PTDSS2: variants seen among roughly 807,000 people sequenced by gnomAD.
PTDSS2 encodes the protein PSS-2.
Under a neutral mutation model 64.7 loss-of-function variants are expected in PTDSS2, and 41 were observed. The ratio of observed to expected loss-of-function variants is 0.63; its 90% confidence interval spans 0.49 to 0.82. The LOEUF is 0.82. Ranked by LOEUF, PTDSS2 falls within the 40% of genes least tolerant of loss-of-function variation. The pLI, the probability that PTDSS2 is intolerant of heterozygous loss-of-function variation, is 0.00. For synonymous variants in PTDSS2, 297 were observed against 277.8 expected, an observed-to-expected ratio of 1.07 and a Z score of -0.69; for missense variants, 485 against 650.0, an observed-to-expected ratio of 0.75 and a Z score of 2.76.
chr11:490,280 G>C, intron 11 of PTDSS2, 140 bp from the exon 12 acceptor site: 1 of 1,280,926 alleles, frequency 7.8e-7, no homozygotes, highest in Non-Finnish European at 1.1e-6. Flanking sequence ...AGTCTGCCAC[G>C]GCTGCCGTCC....
At chr11:482,152 T>C (rs1343533929) in intron 4 of PTDSS2, among the ~76,000 whole-genome samples, 1 of 151,254 alleles carries the variant, frequency 6.6e-6, no homozygotes, top group African/African-American at 2.4e-5. Context: ...GGCCGATGTC[T>C]TTTACTTCTT....
chr11:488,064 C>T (rs1468702333), intron 6 of PTDSS2, 135 bp from the exon 7 acceptor site: 2 of 621,282 alleles, frequency 3.2e-6, no homozygotes, highest in Admixed American at 2.6e-5. Context: ...GGGGGCTGCA[C>T]GCACCCGTGG....
intron 8 of PTDSS2, among the ~76,000 whole-genome samples, chr11:489,127 G>C (rs1257467675): frequency 1.3e-5 from 2 of 152,264 alleles, no homozygotes; most frequent in Non-Finnish European, 2.9e-5. Flanking sequence ...TGCAGCCACT[G>C]CTCAAGCTGG....
rs1292781332 is a variant in PTDSS2 at position 470,815 on chromosome 11, C to T, written c.285-3080C>T. 6.6e-6 allele frequency among the ~76,000 whole-genome samples: 1 copy of T among 152,074 alleles called. No individual in the cohort carries two copies. The highest frequency in any genetic ancestry group is 1.5e-5 in the Non-Finnish European group (1 of 68,030). On this transcript the variant is annotated intron_variant, in intron 2 of 11. Coordinates refer to ENST00000308020, the MANE Select transcript of PTDSS2 (RefSeq NM_030783.3). The surrounding 1 kb of genome is among the most constrained non-coding windows in gnomAD (Gnocchi z 5.3). ...ATGTTGGTCAGGCTGGTCTCGAACT[C>T]CTGACCTTGTGATCCGCCTGCCTCA...
intron 1 of PTDSS2, among the ~76,000 whole-genome samples, chr11:458,012 C>T (rs1015100143): frequency 2.0e-5 from 3 of 152,110 alleles, no homozygotes; most frequent in African/African-American, 4.8e-5. Context: ...GCCGTTCCAG[C>T]GGATGTGTAC....
chr11:486,056 CGT>C (rs1351034695), intron 4 of PTDSS2, among the ~76,000 whole-genome samples: 1 of 152,020 alleles, frequency 6.6e-6, no homozygotes, highest in Non-Finnish European at 1.5e-5. Flanking sequence ...AGTGCACGGG[CGT>C]GTGTGTTCAC....
In PTDSS2 at chr11:479,021, G is replaced by T. The variant is rs1375578977; in HGVS notation, c.368-64G>T. On this transcript the variant is annotated intron_variant, in intron 3 of 11. Transcript: ENST00000308020. The surrounding 1 kb of genome is among the most constrained non-coding windows in gnomAD (Gnocchi z 4.2). ...TGTGAAGGAGCCAGGAGCCGGCCTG[G>T]GGCTGAGCGGGGCCGTGGAGGCCTG... is the stretch of plus-strand genomic sequence containing the variant. The T allele has an allele frequency of 7.1e-7, 1 of 1,401,050 alleles. No individual in the cohort carries two copies. The allele number at this position is 1,401,050 out of a possible 1,614,324, so 86.8% of individuals were successfully genotyped here. A position where few individuals can be genotyped will look rare whatever the true frequency, so the allele number is the denominator to read the frequency against.
intron 3 of PTDSS2, among the ~76,000 whole-genome samples, 180 bp downstream of exon 3, chr11:474,157 C>G (rs1311352199): frequency 6.6e-6 from 1 of 152,192 alleles, no homozygotes; most frequent in Non-Finnish European, 1.5e-5. Context: ...GCCGTGTGCT[C>G]CTCCTCCAAC....
In PTDSS2 at chr11:462,270, C is replaced by T. The variant is rs923519796; in HGVS notation, c.284+1982C>T. On this transcript the variant is annotated intron_variant, in intron 2 of 11. Transcript: ENST00000308020. This position sits in a 1 kb window ranked among gnomAD's most constrained non-coding sequence, Gnocchi z 4.5. The stretch of plus-strand genomic sequence containing the variant: ...CCTGAGGGGGCAGCAGTGGTGGGCA[C>T]GTCCCCCACTTCACCCAGCACTGGC... Among the ~76,000 whole-genome samples, 7 of 152,180 alleles carry T rather than the reference C, an allele frequency of 4.6e-5. No individual in the cohort carries two copies. The highest frequency in any genetic ancestry group is 1.3e-4 in the Admixed American group (2 of 15,298).
At chr11:454,507 C>CT (rs1213243902) in intron 1 of PTDSS2, among the ~76,000 whole-genome samples, 1 of 152,174 alleles carries the variant, frequency 6.6e-6, no homozygotes, top group Non-Finnish European at 1.5e-5. Flanking sequence ...AGGAAGGTCT[C>CT]TGTCGTGGAA....
intron 4 of PTDSS2, among the ~76,000 whole-genome samples, chr11:485,610 C>CCGTG (rs1263997291): frequency 3.4e-5 from 4 of 117,352 alleles, no homozygotes; most frequent in African/African-American, 7.8e-5. Context: ...CGTGTGCTCA[C>CCGTG]TGCGCAGGCG....
intron 2 of PTDSS2, among the ~76,000 whole-genome samples, chr11:465,824 T>C (rs941524475): frequency 6.6e-6 from 1 of 151,376 alleles, no homozygotes; most frequent in Non-Finnish European, 1.5e-5. Flanking sequence ...TGCCTGTGGT[T>C]CCAGGTACTC....
At chr11:466,661 G>A (rs1233153577) in intron 2 of PTDSS2, among the ~76,000 whole-genome samples, 2 of 151,874 alleles carry the variant, frequency 1.3e-5, no homozygotes, top group East Asian at 1.9e-4. Flanking sequence ...CGCCCACCTC[G>A]GCCTCCCAAA....
At chr11:477,029 G>T (rs1847840346) in intron 3 of PTDSS2, among the ~76,000 whole-genome samples, 1 of 152,178 alleles carries the variant, frequency 6.6e-6, no homozygotes, top group Non-Finnish European at 1.5e-5. Flanking sequence ...GTGGGGGGCA[G>T]GGAGAAGGGC....
chr11:489,564 G>C (rs1226402081), intron 9 of PTDSS2, 24 bp from the exon 10 acceptor site: 2 of 1,608,004 alleles, frequency 1.2e-6, no homozygotes, highest in Admixed American at 3.4e-5. Context: ...GGCCAGAGCT[G>C]GTGCTCACCC....
chr11:450,665 G>A lies in PTDSS2; in HGVS notation c.182+28G>A, dbSNP rs552662623. ...GAGGGCAGTGGGCGGCCGCGGGGCG[G>A]CGAGGGTGCCCTCGACCTGGGGGTT... On this transcript the variant is annotated intron_variant, in intron 1 of 11. Coordinates refer to ENST00000308020, the MANE Select transcript of PTDSS2 (RefSeq NM_030783.3). 6 of 1,242,438 alleles carry A rather than the reference G, an allele frequency of 4.8e-6. No homozygotes were observed. The South Asian group carries it at 2.5e-4, about 51-fold the overall frequency. The allele number at this position is 1,242,438 out of a possible 1,614,324, so 77.0% of individuals were successfully genotyped here.
intron 2 of PTDSS2, among the ~76,000 whole-genome samples, chr11:469,085 GTAATC>G (rs1847281158): frequency 7.9e-6 from 1 of 127,068 alleles, no homozygotes; most frequent in Non-Finnish European, 1.7e-5. Context: ...GAGTCTCTGG[GTAATC>G]GGAGGGAGGA....
Position 490,787 on chromosome 11 carries a change from T to TGCGTGTGTGTATGCGTGTAC in PTDSS2, c.*216_*217insTGCGTGTACGCGTGTGTGTA, listed in dbSNP as rs1848643583. 7.0e-6 allele frequency: 4 copies of TGCGTGTGTGTATGCGTGTAC among 574,018 alleles called. No individual in the cohort carries two copies. The highest frequency in any genetic ancestry group is 7.2e-5 in the Admixed American group (2 of 27,858). The allele number at this position is 574,018 out of a possible 1,614,324, so 35.6% of individuals were successfully genotyped here. A position where few individuals can be genotyped will look rare whatever the true frequency, so the allele number is the denominator to read the frequency against. On this transcript the variant is annotated 3_prime_UTR_variant, in exon 12 of 12. Transcript: ENST00000308020. ...ATGTGTACACGTGTGTACGTGTGTATGCGTGTGTGTACGCGTGTGTACGCG... is the reference window on the plus strand; with the variant it reads ...ATGTGTACACGTGTGTACGTGTGTATGCGTGTGTGTATGCGTGTACGCGTGTGTGTACGCGTGTGTACGCG...
In PTDSS2 at chr11:476,478, G is replaced by A. The variant is rs927709342; in HGVS notation, c.367+2501G>A. Among the ~76,000 whole-genome samples the A allele has an allele frequency of 4.6e-5, 7 of 152,178 alleles. No individual in the cohort carries two copies. Among genetic ancestry groups the A allele is most frequent in the Non-Finnish European group, 8.8e-5 (6 of 68,030 alleles). ...AAAGCTGCCGGAAGCTCAACCCATGGCCGTCCTTGCTTGGAGATGCACCAA... is the reference window on the plus strand; with the variant it reads ...AAAGCTGCCGGAAGCTCAACCCATGACCGTCCTTGCTTGGAGATGCACCAA... On this transcript the variant is annotated intron_variant, in intron 3 of 11. Coordinates refer to ENST00000308020, the MANE Select transcript of PTDSS2 (RefSeq NM_030783.3). This position sits in a 1 kb window ranked among gnomAD's most constrained non-coding sequence, Gnocchi z 4.9.
Sources: allele counts gnomAD v4.1 joint callset (sites outside exome capture counted in the v4.1 genomes callset), GRCh38; gene constraint gnomAD v4.1.1; non-coding constraint Gnocchi (gnomAD v3.1); transcripts MANE v1.5; gene names NCBI Gene and HGNC (gene_info 2026-07-23, HGNC 2026-07-21).